The following CFAP221 variants were observed in gnomAD, a reference collection of about 807,000 sequenced individuals.
The protein encoded by CFAP221 is cilia- and flagella-associated protein 221.
A neutral mutation model predicts 113.1 loss-of-function variants in CFAP221; 97 were observed. That is an observed-to-expected ratio of 0.86 (90% CI 0.73 to 1.02). The LOEUF (loss-of-function observed/expected upper bound fraction) is 1.02. Ranked by LOEUF, CFAP221 falls within the 50% of genes least tolerant of loss-of-function variation. The pLI is 0.00. For missense variants in CFAP221, 1,025 were observed against 1,013.4 expected (o/e 1.01, Z -0.16); for synonymous variants, 331 against 354.4 (o/e 0.93, Z 0.74).
At chr2:119,658,706 C>A (rs977439760), downstream of CFAP221, among the ~76,000 whole-genome samples, 4 of 152,006 alleles carry the variant, frequency 2.6e-5, no homozygotes, top group Non-Finnish European at 5.9e-5. Flanking sequence ...TATGGCCAGG[C>A]GTGGTGGCTC....
rs141977927 is a variant in CFAP221, at chr2:119,549,036, A to G, written c.140-49A>G. The stretch of plus-strand genomic sequence containing the variant: ...GTTAATAAGGATCAACTTTAATTTA[A>G]TATTTTCTTTGATGTCTCATGATGT... On this transcript the variant is annotated intron_variant, in intron 2 of 23. Coordinates refer to ENST00000413369, the MANE Select transcript of CFAP221 (RefSeq NM_001271049.2). 2.4e-3 allele frequency: 3,009 copies of G among 1,240,164 alleles called. 25 individuals carry two copies. Among genetic ancestry groups the G allele is most frequent in the Middle Eastern group, 0.02 (90 of 4,606 alleles). The allele number at this position is 1,240,164 out of a possible 1,614,324, so 76.8% of individuals were successfully genotyped here.
At chr2:119,574,410 A>G (rs1682287824) in intron 6 of CFAP221, among the ~76,000 whole-genome samples, 2 of 152,186 alleles carry the variant, frequency 1.3e-5, no homozygotes, top group South Asian at 2.1e-4. Flanking sequence ...ACTTTAAACT[A>G]CTATTAGAAA....
chr2:119,547,903 A>G (rs1680161809), intron 2 of CFAP221, among the ~76,000 whole-genome samples: 1 of 152,220 alleles, frequency 6.6e-6, no homozygotes, highest in Non-Finnish European at 1.5e-5. Flanking sequence ...TGGGCAGTAC[A>G]TTCATGAGGA....
At chr2:119,546,539 C>G (rs1310508348) in intron 2 of CFAP221, among the ~76,000 whole-genome samples, 1 of 152,138 alleles carries the variant, frequency 6.6e-6, no homozygotes, top group African/African-American at 2.4e-5. Flanking sequence ...TTCTCATGTT[C>G]AGCAGGCAGC....
In CFAP221 at chr2:119,627,731, A is replaced by G. The variant is rs780666774; in HGVS notation, c.1595A>G (p.Glu532Gly). The G allele has an allele frequency of 6.2e-7, 1 of 1,613,728 alleles. No homozygotes were observed. Residue 532 changes from glutamate (E) to glycine (G), a missense_variant, in exon 16 of 24, where the codon GAG becomes GGG. By Grantham distance (98) the Glu-to-Gly change is moderately conservative. Transcript: ENST00000413369. ...YTSRFSVSPK[E>G]VLPFAFPDCS... ...AGCCGGTTCTCTGTGTCGCCCAAGG[A>G]GGTGCTGCCCTTCGCTTTCCCAGAC...
intron 21 of CFAP221, 57 bp from the exon 22 acceptor site, chr2:119,646,901 G>T: frequency 6.9e-7 from 1 of 1,442,092 alleles, no homozygotes; most frequent in South Asian, 1.2e-5. Context: ...ATTATGTAAA[G>T]ACCCCAAGAC....
intron 15 of CFAP221, 31 bp from the exon 16 acceptor site, chr2:119,627,622 C>A: frequency 6.2e-7 from 1 of 1,602,738 alleles, no homozygotes; most frequent in Non-Finnish European, 8.5e-7. Flanking sequence ...CCTTTAGTAC[C>A]CCCTAAAAGT....
chr2:119,588,256 T>C (rs1283458814), intron 7 of CFAP221, among the ~76,000 whole-genome samples: 1 of 152,166 alleles, frequency 6.6e-6, no homozygotes, highest in Non-Finnish European at 1.5e-5. Flanking sequence ...TGAGCAGTCA[T>C]GATGGGAGCC....
chr2:119,633,802 A>G (rs950074770), intron 19 of CFAP221, among the ~76,000 whole-genome samples: 2 of 152,240 alleles, frequency 1.3e-5, no homozygotes, highest in Non-Finnish European at 2.9e-5. Context: ...GAAGGCTATT[A>G]TCAAAAAAAT....
At chr2:119,629,293 G>A (rs771916482) in intron 16 of CFAP221, among the ~76,000 whole-genome samples, 1 of 152,138 alleles carries the variant, frequency 6.6e-6, no homozygotes, top group African/African-American at 2.4e-5. Context: ...GCAGTTCTTC[G>A]GGGGTTCACA....
intron 16 of CFAP221, 79 bp downstream of exon 16, chr2:119,627,865 C>T: frequency 6.5e-7 from 1 of 1,549,180 alleles, no homozygotes; most frequent in Non-Finnish European, 8.8e-7. Flanking sequence ...AGCCCTACCT[C>T]AGTCTCAGTC....
At chr2:119,622,766 A>G (rs1574159250) in intron 14 of CFAP221, among the ~76,000 whole-genome samples, 1 of 152,330 alleles carries the variant, frequency 6.6e-6, no homozygotes. Flanking sequence ...AATGACAAAA[A>G]CCACATGATT....
chr2:119,547,030 G>T (rs1358029055), intron 2 of CFAP221, among the ~76,000 whole-genome samples: 1 of 152,202 alleles, frequency 6.6e-6, no homozygotes. Context: ...GAGAGCTGGT[G>T]TTCAGCCACC....
chr2:119,593,227 A>G lies in CFAP221; in HGVS notation c.631+6005A>G, dbSNP rs2104635733. On this transcript the variant is annotated intron_variant, in intron 7 of 23. Coordinates refer to ENST00000413369, the MANE Select transcript of CFAP221 (RefSeq NM_001271049.2). Reference sequence around the variant, plus strand: ...TTTCAGTGTGTGTGTATGTGTGTGCATGTATGTGGTATTTGCATGAGTGTG... The same window carrying G: ...TTTCAGTGTGTGTGTATGTGTGTGCGTGTATGTGGTATTTGCATGAGTGTG... Among the ~76,000 whole-genome samples, 3 of 152,156 alleles carry G rather than the reference A, an allele frequency of 2.0e-5. No individual in the cohort carries two copies. In the Middle Eastern group the frequency reaches 0.01, roughly 518 times the overall value.
chr2:119,644,599 C>T (rs1377618434), intron 21 of CFAP221, among the ~76,000 whole-genome samples: 2 of 152,100 alleles, frequency 1.3e-5, no homozygotes, highest in Admixed American at 1.3e-4. Flanking sequence ...GCTATGTATA[C>T]ACATTGCTTC....
intron 19 of CFAP221, among the ~76,000 whole-genome samples, chr2:119,635,677 T>C (rs886450028): frequency 6.6e-6 from 1 of 152,244 alleles, no homozygotes; most frequent in Non-Finnish European, 1.5e-5. Flanking sequence ...TCATTTATTA[T>C]ACATCAACTA....
Position 119,625,625 on chromosome 2 carries a change from C to T in CFAP221, c.1453C>T (p.Arg485Cys), listed in dbSNP as rs765273288. The change falls in exon 15 of 24, where the codon CGT becomes TGT. Residue 485 changes from arginine to cysteine, a missense_variant. By Grantham distance (180) the Arg-to-Cys change is radical. Transcript: ENST00000413369. ...ATTATTCAATATGCTGAGTGCTGTT[C>T]GTGAAATGGACAAAGAGAGTATACT... ...GRLFNMLSAV[R>C]EMDKESILRK... 18 of 1,613,796 alleles carry T rather than the reference C, an allele frequency of 1.1e-5. No homozygotes were observed. Among genetic ancestry groups the T allele is most frequent in the Admixed American group, 3.3e-5 (2 of 60,002 alleles).
At chr2:119,573,039 A>G (rs1682178247) in intron 6 of CFAP221, 4 of 155,338 alleles carry the variant, frequency 2.6e-5, no homozygotes, top group African/African-American at 9.6e-5. Context: ...ATGATGTTTG[A>G]GTGTAACCAA....
chr2:119,601,929 T>C (rs1188457563), intron 8 of CFAP221, among the ~76,000 whole-genome samples: 1 of 152,180 alleles, frequency 6.6e-6, no homozygotes, highest in South Asian at 2.1e-4. Context: ...CCATCAGACT[T>C]CAAGTCAGAG....
Sources: gnomAD v4.1 joint callset for allele counts (sites outside exome capture counted in the v4.1 genomes callset) on GRCh38, gnomAD v4.1.1 for gene constraint, MANE v1.5 for transcripts, NCBI Gene and HGNC (gene_info 2026-07-23, HGNC 2026-07-21) for gene names.